Variants in CCDC178 observed in about 807,000 individuals in gnomAD.
CCDC178 encodes coiled-coil domain-containing protein 178.
Under a neutral mutation model 117.4 loss-of-function variants are expected in CCDC178, and 126 were observed. The ratio of observed to expected loss-of-function variants is 1.07; its 90% confidence interval spans 0.93 to 1.24. CCDC178 has a LOEUF of 1.24. Ranked by LOEUF, CCDC178 falls within the 50% of genes most tolerant of loss-of-function variation. The pLI is 0.00. For missense variants in CCDC178, 1,030 were observed against 986.9 expected, an observed-to-expected ratio of 1.04 and a Z score of -0.59; for synonymous variants, 283 against 313.4, an observed-to-expected ratio of 0.90 and a Z score of 1.02.
chr18:33,332,399 A>C (rs1459654154), intron 10 of CCDC178, among the ~76,000 whole-genome samples: 2 of 152,234 alleles, frequency 1.3e-5, no homozygotes, highest in East Asian at 3.9e-4. Flanking sequence ...TTATCAATAA[A>C]TTATTTTCAT....
At chr18:33,148,881 T>C (rs2058307372) in intron 20 of CCDC178, among the ~76,000 whole-genome samples, 1 of 152,182 alleles carries the variant, frequency 6.6e-6, no homozygotes, top group African/African-American at 2.4e-5. Flanking sequence ...GCAGTGACAA[T>C]TGTTTGTCAG....
intron 21 of CCDC178, among the ~76,000 whole-genome samples, chr18:33,006,755 T>C (rs562112771): frequency 6.6e-6 from 1 of 152,162 alleles, no homozygotes; most frequent in African/African-American, 2.4e-5. Context: ...CCTTTTAATA[T>C]TGAAGTGCCA....
At chr18:33,413,427 A>G (rs6507021) in intron 2 of CCDC178, among the ~76,000 whole-genome samples, 145,939 of 151,962 alleles carry the variant, frequency 0.96, 70,368 homozygotes, top group East Asian at 1. Flanking sequence ...GATTATAGTT[A>G]AAACATATAA....
intron 21 of CCDC178, among the ~76,000 whole-genome samples, chr18:33,059,296 A>G (rs1420911176): frequency 1.3e-5 from 2 of 152,136 alleles, no homozygotes; most frequent in African/African-American, 2.4e-5. Context: ...AGACTCCCCG[A>G]TTAGTAGCTC....
At chr18:33,184,325 G>A (rs1330597215) in intron 20 of CCDC178, among the ~76,000 whole-genome samples, 3 of 151,926 alleles carry the variant, frequency 2.0e-5, no homozygotes, top group South Asian at 2.1e-4. Context: ...ATAAGATATT[G>A]TACAGAATAA....
intron 20 of CCDC178, among the ~76,000 whole-genome samples, chr18:33,123,150 T>C (rs2057959953): frequency 6.6e-6 from 1 of 152,074 alleles, no homozygotes; most frequent in Non-Finnish European, 1.5e-5. Flanking sequence ...TTGAGGAGAG[T>C]TGTGTATTAA....
At chr18:33,351,896 C>G (rs1036938811) in intron 7 of CCDC178, among the ~76,000 whole-genome samples, 1 of 152,146 alleles carries the variant, frequency 6.6e-6, no homozygotes, top group Non-Finnish European at 1.5e-5. Context: ...CTTCTGATGT[C>G]TTTGTCTGGT....
At chr18:33,411,291 C>T (rs1170477996) in intron 3 of CCDC178, among the ~76,000 whole-genome samples, 2 of 152,174 alleles carry the variant, frequency 1.3e-5, no homozygotes, top group African/African-American at 4.8e-5. Context: ...TGGAAAGCAT[C>T]AGATAGTAAA....
At chr18:33,004,600 A>C (rs1047769804) in intron 21 of CCDC178, among the ~76,000 whole-genome samples, 7 of 152,104 alleles carry the variant, frequency 4.6e-5, no homozygotes, top group Non-Finnish European at 7.4e-5. Flanking sequence ...TAGGCAACCA[A>C]ATCAAAAATG....
chr18:33,363,310 G>A (rs1051488743), intron 6 of CCDC178, among the ~76,000 whole-genome samples: 2 of 151,964 alleles, frequency 1.3e-5, no homozygotes, highest in African/African-American at 4.8e-5. Flanking sequence ...AAAACCAAGA[G>A]ACAGTTGAAA....
intron 16 of CCDC178, among the ~76,000 whole-genome samples, chr18:33,226,098 T>C (rs1274417446): frequency 6.6e-6 from 1 of 152,092 alleles, no homozygotes; most frequent in East Asian, 1.9e-4. Flanking sequence ...GAGGCAGAGG[T>C]TATGGTGAGC....
chr18:33,131,978 G>GTTTGTTTGTTTC (rs2144258563), intron 20 of CCDC178, among the ~76,000 whole-genome samples: 1 of 147,634 alleles, frequency 6.8e-6, no homozygotes, highest in Admixed American at 6.7e-5. Flanking sequence ...TATATTGATT[G>GTTTGTTTGTTTC]TTTGTTTGTT....
intron 11 of CCDC178, among the ~76,000 whole-genome samples, chr18:33,316,084 G>A (rs910564864): frequency 1.3e-5 from 2 of 152,076 alleles, no homozygotes; most frequent in African/African-American, 4.8e-5. Flanking sequence ...GGCAGCCCTC[G>A]CTTGCTCTCA....
chr18:33,247,441 G>GGACAGAAATA (rs1403145988), intron 14 of CCDC178, among the ~76,000 whole-genome samples: 1 of 151,562 alleles, frequency 6.6e-6, no homozygotes, highest in African/African-American at 2.4e-5. Flanking sequence ...AAAGAAATAT[G>GGACAGAAATA]GACAGAAATA....
chr18:33,224,930 G>GT lies in CCDC178; in HGVS notation c.1662dup (p.Leu555ThrfsTer11), dbSNP rs753180261. 2.9e-5 allele frequency: 42 copies of GT among 1,472,092 alleles called. No homozygotes were observed. The highest frequency in any genetic ancestry group is 3.4e-5 in the Non-Finnish European group (38 of 1,109,676). 91.2% of individuals were successfully genotyped at this position (1,472,092 alleles called of 1,614,324 possible). A position where few individuals can be genotyped will look rare whatever the true frequency, so the allele number is the denominator to read the frequency against. On this transcript the variant is annotated frameshift_variant, in exon 17 of 23. Transcript: ENST00000383096. LOFTEE classifies it high-confidence loss of function. ...GCCTGGACTTCGTAAATGGAATATA[G>GT]TTTTTTCTGCCAGCAAAGATTTTAA...
intron 6 of CCDC178, among the ~76,000 whole-genome samples, chr18:33,356,843 G>A (rs191323777): frequency 2.2e-4 from 34 of 152,050 alleles, no homozygotes; most frequent in Admixed American, 2.0e-3. Flanking sequence ...CTGCAAAACC[G>A]TCTCTTGTGG....
chr18:33,307,558 G>A (rs2062272969), intron 11 of CCDC178, among the ~76,000 whole-genome samples: 1 of 152,200 alleles, frequency 6.6e-6, no homozygotes, highest in African/African-American at 2.4e-5. Flanking sequence ...CTATTTTCTG[G>A]GGAGAAATGC....
At position 33,212,125 on chromosome 18, in the gene CCDC178, A is replaced by T. The variant is rs887945197; in HGVS notation, c.2079-70T>A. The T allele has an allele frequency of 1.1e-4, 134 of 1,239,434 alleles. 1 individual carries two copies. The highest frequency in any genetic ancestry group is 1.5e-5 in the Non-Finnish European group (14 of 911,910). The allele number at this position is 1,239,434 out of a possible 1,614,324, so 76.8% of individuals were successfully genotyped here. A position where few individuals can be genotyped will look rare whatever the true frequency, so the allele number is the denominator to read the frequency against. On this transcript the variant is annotated intron_variant, in intron 19 of 22. Transcript: ENST00000383096. Reference sequence around the variant, plus strand: ...ATTTTTCAAAATGCATTTATGAGACATTTTAAAAGGACCAAAATGAAAAAT... The same window carrying T: ...ATTTTTCAAAATGCATTTATGAGACTTTTTAAAAGGACCAAAATGAAAAAT...
intron 5 of CCDC178, among the ~76,000 whole-genome samples, chr18:33,384,921 A>C (rs2144806501): frequency 6.6e-6 from 1 of 152,342 alleles, no homozygotes; most frequent in South Asian, 2.1e-4. Context: ...CAGAATGGCA[A>C]GCTGGATACA....
Sources: gnomAD v4.1 joint callset for allele counts (sites outside exome capture counted in the v4.1 genomes callset) on GRCh38, gnomAD v4.1.1 for gene constraint, MANE v1.5 for transcripts, NCBI Gene and HGNC (gene_info 2026-07-23, HGNC 2026-07-21) for gene names.